The following DENND1A variants were observed in gnomAD, a reference collection of about 807,000 sequenced individuals.
DENND1A encodes the protein DENN domain containing 1A.
Under a neutral mutation model 113.7 loss-of-function variants are expected in DENND1A, and 51 were observed. The observed-to-expected ratio is 0.45, with a 90% CI of 0.36 to 0.57. The LOEUF (loss-of-function observed/expected upper bound fraction) is 0.57. Ranked by LOEUF, DENND1A falls within the 20% of genes least tolerant of loss-of-function variation. The probability of loss-of-function intolerance (pLI) is 0.00; values close to 1 mark genes in which losing one functional copy is unlikely to be tolerated. For missense variants in DENND1A, 1,258 were observed against 1,395.9 expected (o/e 0.90, Z 1.57); for synonymous variants, 565 against 570.8 (o/e 0.99, Z 0.14).
chr9:123,523,839 A>G (rs913445944), intron 13 of DENND1A, among the ~76,000 whole-genome samples: 7 of 152,224 alleles, frequency 4.6e-5, no homozygotes, highest in Non-Finnish European at 5.9e-5. Flanking sequence ...TTGAATCAAT[A>G]TTATAGTTGA....
chr9:123,387,651 A>C (rs1588269704), intron 22 of DENND1A, 79 bp downstream of exon 22: 2 of 1,227,310 alleles, frequency 1.6e-6, no homozygotes, highest in Non-Finnish European at 2.1e-6. Flanking sequence ...GGCAAGCAGC[A>C]CCAGCCCCCC....
intron 11 of DENND1A, among the ~76,000 whole-genome samples, chr9:123,587,992 A>G (rs886117602): frequency 1.3e-5 from 2 of 152,148 alleles, no homozygotes; most frequent in African/African-American, 4.8e-5. Context: ...TATCATAAAA[A>G]ATAGGATGGG....
At chr9:123,520,778 T>G (rs1248473084) in intron 13 of DENND1A, among the ~76,000 whole-genome samples, 1 of 152,226 alleles carries the variant, frequency 6.6e-6, no homozygotes, top group African/African-American at 2.4e-5. Flanking sequence ...AACTGAATGC[T>G]TCCTGGTACC....
chr9:123,918,777 G>A (rs1855702518), intron 1 of DENND1A, among the ~76,000 whole-genome samples: 2 of 152,074 alleles, frequency 1.3e-5, no homozygotes, highest in Non-Finnish European at 2.9e-5. Context: ...AAGAAGAAGT[G>A]ATAGAAACAA....
In DENND1A at chr9:123,381,502, G is replaced by C. The variant is rs764565454; in HGVS notation, c.3143C>G (p.Pro1048Arg). 1.2e-6 allele frequency: 2 copies of C among 1,613,280 alleles called. No individual in the cohort carries two copies. The highest frequency in any genetic ancestry group is 1.7e-6 in the Non-Finnish European group (2 of 1,179,828). ...LLQKTKQDVSPSPALAPAPDS... is the reference protein window; with the variant it reads ...LLQKTKQDVSRSPALAPAPDS... Reference sequence around the variant, plus strand: ...TGGGGCCGGGGCCAGGGCCGGACTCGGGCTCACGTCTTGCTTGGTTTTCTG... The same window carrying C: ...TGGGGCCGGGGCCAGGGCCGGACTCCGGCTCACGTCTTGCTTGGTTTTCTG... Residue 1048 changes from proline (P) to arginine (R), a missense_variant, in exon 24 of 24, where the codon CCG becomes CGG. By Grantham distance (103) the Pro-to-Arg change is moderately radical. Transcript: ENST00000394215. This position sits in a 1 kb window ranked among gnomAD's most constrained non-coding sequence, Gnocchi z 4.7.
chr9:123,646,954 T>C (rs1190758277), intron 9 of DENND1A, among the ~76,000 whole-genome samples: 1 of 152,102 alleles, frequency 6.6e-6, no homozygotes, highest in Non-Finnish European at 1.5e-5. Flanking sequence ...TCCTGAGGGC[T>C]TCCATTAGAT....
intron 1 of DENND1A, among the ~76,000 whole-genome samples, chr9:123,918,288 A>C (rs1250953936): frequency 1.3e-5 from 2 of 151,094 alleles, no homozygotes; most frequent in Non-Finnish European, 3.0e-5. Flanking sequence ...GGAGATCGAG[A>C]CCATCCTGGC....
At chr9:123,840,337 T>C (rs1841644486) in intron 2 of DENND1A, among the ~76,000 whole-genome samples, 2 of 152,174 alleles carry the variant, frequency 1.3e-5, no homozygotes, top group Admixed American at 6.5e-5. Flanking sequence ...TTGATGTTTC[T>C]TTGTCTCTTC....
intron 1 of DENND1A, among the ~76,000 whole-genome samples, chr9:123,892,993 G>T (rs997107353): frequency 4.6e-5 from 7 of 151,232 alleles, no homozygotes; most frequent in South Asian, 4.2e-4. Flanking sequence ...AAAATAATAA[G>T]AATAATAATA....
intron 1 of DENND1A, among the ~76,000 whole-genome samples, chr9:123,891,208 T>C (rs945974680): frequency 3.9e-5 from 6 of 152,166 alleles, no homozygotes; most frequent in Non-Finnish European, 7.3e-5. Context: ...ACTGAGCTCC[T>C]CTCTCCTTCA....
intron 2 of DENND1A, among the ~76,000 whole-genome samples, chr9:123,829,739 A>G (rs1276905527): frequency 6.6e-6 from 1 of 152,198 alleles, no homozygotes; most frequent in Admixed American, 6.5e-5. Context: ...AGACATGTTT[A>G]ATGGAGAAAA....
At chr9:123,500,213 C>T (rs2052351681) in intron 13 of DENND1A, among the ~76,000 whole-genome samples, 1 of 152,190 alleles carries the variant, frequency 6.6e-6, no homozygotes, top group Admixed American at 6.5e-5. Flanking sequence ...AGCAGGCCAC[C>T]TGGATATGCC....
At chr9:123,420,429 A>G (rs1564455272) in intron 19 of DENND1A, among the ~76,000 whole-genome samples, 1 of 152,084 alleles carries the variant, frequency 6.6e-6, no homozygotes, top group East Asian at 1.9e-4. Context: ...GAGGGGGATG[A>G]GGGGGTGCTC....
In DENND1A at chr9:123,381,253, T is replaced by TC; in HGVS notation, c.*178dup. On this transcript the variant is annotated 3_prime_UTR_variant, in exon 24 of 24. Coordinates refer to ENST00000394215, the MANE Select transcript of DENND1A (RefSeq NM_001352964.2). The surrounding 1 kb of genome is among the most constrained non-coding windows in gnomAD (Gnocchi z 4.7). ...ATTCCCAGGCTGGAACTGGTGCCAT[T>TC]CCCCAGGGCCAGACATCAGAGATGG... 1 of 652,774 alleles carries TC rather than the reference T, an allele frequency of 1.5e-6. No individual in the cohort carries two copies. Among genetic ancestry groups the TC allele is most frequent in the Non-Finnish European group, 2.6e-6 (1 of 385,550 alleles). 40.4% of individuals were successfully genotyped at this position (652,774 alleles called of 1,614,324 possible). A position where few individuals can be genotyped will look rare whatever the true frequency, so the allele number is the denominator to read the frequency against.
intron 22 of DENND1A, among the ~76,000 whole-genome samples, chr9:123,386,251 ATAT>A (rs139095007): frequency 0.027 from 4,086 of 152,238 alleles, 187 homozygotes; most frequent in African/African-American, 0.094. Context: ...GACATCATAG[ATAT>A]TATTGCTTAG....
At chr9:123,489,871 A>C (rs1232478604) in intron 13 of DENND1A, among the ~76,000 whole-genome samples, 1 of 152,206 alleles carries the variant, frequency 6.6e-6, no homozygotes, top group Middle Eastern at 3.2e-3. Context: ...CTGCTGGTGA[A>C]GGTGCTTTGT....
At chr9:123,847,228 T>C (rs542143499) in intron 2 of DENND1A, among the ~76,000 whole-genome samples, 1 of 151,984 alleles carries the variant, frequency 6.6e-6, no homozygotes, top group African/African-American at 2.4e-5. Flanking sequence ...TTATTGAATA[T>C]ATCAGAGAGA....
chr9:123,552,848 C>A (rs1009581403), intron 13 of DENND1A, among the ~76,000 whole-genome samples: 1 of 152,254 alleles, frequency 6.6e-6, no homozygotes, highest in Admixed American at 6.5e-5. Flanking sequence ...TCCGTTTACC[C>A]AGTAAATCCA....
rs1023343070 is a variant in DENND1A at position 123,855,102 on chromosome 9, T to C, written c.88+23849A>G. ...TTTCAAAAGCCTCACAAACAACTGATACTAACATTGCCTTGCTTATTTGGA... is the reference window on the plus strand; with the variant it reads ...TTTCAAAAGCCTCACAAACAACTGACACTAACATTGCCTTGCTTATTTGGA... On this transcript the variant is annotated intron_variant, in intron 2 of 23. Transcript: ENST00000394215. Among the ~76,000 whole-genome samples the C allele has an allele frequency of 5.3e-5, 8 of 151,328 alleles. 1 individual carries two copies. Among genetic ancestry groups the C allele is most frequent in the African/African-American group, 1.2e-4 (5 of 40,608 alleles).
Sources: allele counts gnomAD v4.1 joint callset (sites outside exome capture counted in the v4.1 genomes callset), GRCh38; gene constraint gnomAD v4.1.1; non-coding constraint Gnocchi (gnomAD v3.1); transcripts MANE v1.5; gene names NCBI Gene and HGNC (gene_info 2026-07-23, HGNC 2026-07-21).